Variants in UVRAG observed in about 807,000 individuals in gnomAD.
The protein encoded by UVRAG is UV radiation resistance associated.
In UVRAG, 19 loss-of-function variants were observed where a neutral mutation model predicts 78.0. That is an observed-to-expected ratio of 0.24 (90% confidence interval 0.17 to 0.36). The LOEUF is 0.36. Among genes scored for constraint, UVRAG ranks in the 10% least tolerant of loss-of-function variants. The pLI is 1.00. For synonymous variants in UVRAG, 323 were observed against 324.6 expected (o/e 1.00, Z 0.05); for missense variants, 740 against 853.8 (o/e 0.87, Z 1.66).
intron 7 of UVRAG, among the ~76,000 whole-genome samples, chr11:75,974,351 CTTTTTT>C (rs1188190094): frequency 4.8e-5 from 4 of 83,702 alleles, no homozygotes; most frequent in Admixed American, 1.2e-4. Flanking sequence ...TAAATGTCTT[CTTTTTT>C]TTTTTTTTTT....
intron 1 of UVRAG, among the ~76,000 whole-genome samples, chr11:75,821,467 C>T (rs914382866): frequency 2.6e-5 from 4 of 152,062 alleles, no homozygotes; most frequent in Non-Finnish European, 5.9e-5. Context: ...TCAGCACCCC[C>T]GCAAGTAGCT....
intron 1 of UVRAG, among the ~76,000 whole-genome samples, chr11:75,846,946 C>T (rs965261647): frequency 2.0e-5 from 3 of 152,222 alleles, no homozygotes; most frequent in South Asian, 4.1e-4. Context: ...GCCTTAGCCT[C>T]CTGAGTAGCT....
chr11:76,103,308 A>G (rs1412241831), intron 13 of UVRAG, among the ~76,000 whole-genome samples: 1 of 151,384 alleles, frequency 6.6e-6, no homozygotes, highest in Non-Finnish European at 1.5e-5. Context: ...TCTGCCTACT[A>G]CTCCCACCCA....
chr11:75,952,103 A>G (rs1472775941), intron 6 of UVRAG, among the ~76,000 whole-genome samples: 1 of 152,196 alleles, frequency 6.6e-6, no homozygotes, highest in East Asian at 1.9e-4. Flanking sequence ...TTAAATAGAA[A>G]CACTGATTGA....
At chr11:76,010,131 G>A (rs894869413) in intron 11 of UVRAG, among the ~76,000 whole-genome samples, 1 of 152,206 alleles carries the variant, frequency 6.6e-6, no homozygotes, top group Non-Finnish European at 1.5e-5. Context: ...TTTAGGCAAA[G>A]TTGTGGTATC....
At chr11:75,861,444 G>C (rs757649104) in intron 2 of UVRAG, among the ~76,000 whole-genome samples, 42 of 152,200 alleles carry the variant, frequency 2.8e-4, no homozygotes, top group Non-Finnish European at 4.9e-4. Flanking sequence ...GGGGAAGGAA[G>C]AAGGTTGGAG....
At chr11:76,095,793 C>T (rs1380332009) in intron 13 of UVRAG, among the ~76,000 whole-genome samples, 1 of 150,174 alleles carries the variant, frequency 6.7e-6, no homozygotes, top group African/African-American at 2.4e-5. Flanking sequence ...ATTGCTTGAG[C>T]CCAATAGTTT....
At chr11:76,054,434 A>AATT (rs764465158) in intron 12 of UVRAG, among the ~76,000 whole-genome samples, 2 of 152,090 alleles carry the variant, frequency 1.3e-5, no homozygotes, top group Non-Finnish European at 2.9e-5. Context: ...GCAGCCATTA[A>AATT]ACCCTCCAGT....
intron 8 of UVRAG, among the ~76,000 whole-genome samples, chr11:75,989,550 G>T (rs752606754): frequency 6.6e-6 from 1 of 152,158 alleles, no homozygotes; most frequent in Non-Finnish European, 1.5e-5. Context: ...TGTTTACAGT[G>T]GGAGGAAAAT....
intron 13 of UVRAG, among the ~76,000 whole-genome samples, chr11:76,093,339 G>A (rs905764208): frequency 1.5e-4 from 23 of 152,128 alleles, no homozygotes; most frequent in Admixed American, 9.8e-4. Flanking sequence ...TTGACAATGC[G>A]GGCTCTTTTT....
At chr11:76,056,256 C>T (rs1950983321) in intron 12 of UVRAG, among the ~76,000 whole-genome samples, 1 of 152,228 alleles carries the variant, frequency 6.6e-6, no homozygotes, top group Non-Finnish European at 1.5e-5. Context: ...TCATCCTCAA[C>T]ACTTAGGTGG....
intron 13 of UVRAG, among the ~76,000 whole-genome samples, chr11:76,080,377 G>A (rs1271120364): frequency 1.3e-5 from 2 of 152,110 alleles, no homozygotes; most frequent in African/African-American, 4.8e-5. Flanking sequence ...CCTGTATATA[G>A]GAGGGAAAAG....
chr11:75,897,782 C>G (rs1947376488), intron 5 of UVRAG, among the ~76,000 whole-genome samples: 1 of 151,534 alleles, frequency 6.6e-6, no homozygotes, highest in Non-Finnish European at 1.5e-5. Context: ...CCTCGGCTTC[C>G]CAAAGTGCTG....
At chr11:75,907,080 T>C (rs1947632063) in intron 5 of UVRAG, among the ~76,000 whole-genome samples, 1 of 152,244 alleles carries the variant, frequency 6.6e-6, no homozygotes, top group Non-Finnish European at 1.5e-5. Flanking sequence ...AGAGATGGCA[T>C]TGAATATCTT....
At position 75,870,144 on chromosome 11, in the gene UVRAG, G is replaced by C. The variant is rs558574629; in HGVS notation, c.270+8364G>C. On this transcript the variant is annotated intron_variant, in intron 3 of 14. Transcript: ENST00000356136. Reference sequence around the variant, plus strand: ...CTATAAAATCTTTGAATGTGTGGCAGGCTGTATCTGCCTGTATCTGAATGT... The same window carrying C: ...CTATAAAATCTTTGAATGTGTGGCACGCTGTATCTGCCTGTATCTGAATGT... Among the ~76,000 whole-genome samples the C allele has an allele frequency of 3.3e-5, 5 of 152,178 alleles. No individual in the cohort carries two copies. The East Asian group carries it at 9.6e-4, about 29-fold the overall frequency.
rs150769461 is a variant in UVRAG at position 75,827,234 on chromosome 11, A to G, written c.117+11710A>G. Reference sequence around the variant, plus strand: ...TTTTTTTCTCCAGGAAAAATTTTATACTCTTTAACATGAGTGTAGCTTTTG... The same window carrying G: ...TTTTTTTCTCCAGGAAAAATTTTATGCTCTTTAACATGAGTGTAGCTTTTG... On this transcript the variant is annotated intron_variant, in intron 1 of 14. Coordinates refer to ENST00000356136, the MANE Select transcript of UVRAG (RefSeq NM_003369.4). Among the ~76,000 whole-genome samples the G allele has an allele frequency of 8.8e-3, 1,333 of 151,756 alleles. 18 individuals are homozygous for G. Among genetic ancestry groups the G allele is most frequent in the African/African-American group, 0.031 (1,266 of 41,322 alleles).
chr11:75,948,550 T>C (rs1002905805), intron 6 of UVRAG, among the ~76,000 whole-genome samples: 1 of 152,212 alleles, frequency 6.6e-6, no homozygotes, highest in African/African-American at 2.4e-5. Flanking sequence ...AGCGGATTTA[T>C]TTGATAAAAT....
chr11:76,043,769 C>A (rs1185230289), intron 12 of UVRAG, among the ~76,000 whole-genome samples: 1 of 152,128 alleles, frequency 6.6e-6, no homozygotes, highest in Non-Finnish European at 1.5e-5. Context: ...CAAATTATGA[C>A]ATACATATGT....
Position 76,142,560 on chromosome 11 carries a change from A to G in UVRAG, c.*1147A>G, listed in dbSNP as rs1292323189. ...TGTTGCTTTATACGTTACGTACCCA[A>G]GGACATTGCCTCAGGGTTGCAAACT... On this transcript the variant is annotated 3_prime_UTR_variant, in exon 15 of 15. Transcript: ENST00000356136. 2.0e-5 allele frequency: 3 copies of G among 152,662 alleles called. No individual in the cohort carries two copies. Among genetic ancestry groups the G allele is most frequent in the Non-Finnish European group, 4.4e-5 (3 of 68,040 alleles). The allele number at this position is 152,662 out of a possible 1,614,324, so 9.5% of individuals were successfully genotyped here.
Sources: allele counts gnomAD v4.1 joint callset (sites outside exome capture counted in the v4.1 genomes callset), GRCh38; gene constraint gnomAD v4.1.1; transcripts MANE v1.5; gene names NCBI Gene and HGNC (gene_info 2026-07-23, HGNC 2026-07-21).